The following AACS variants were observed in gnomAD, a reference collection of about 807,000 sequenced individuals.
AACS encodes acetoacetyl-CoA synthetase.
A neutral mutation model predicts 83.1 loss-of-function variants in AACS; 69 were observed. That is an observed-to-expected ratio of 0.83 (90% CI 0.68 to 1.01). AACS has a LOEUF of 1.01. Among genes scored for constraint, AACS ranks in the 50% least tolerant of loss-of-function variants. The probability of loss-of-function intolerance (pLI) is 0.00; values close to 1 mark genes in which losing one functional copy is unlikely to be tolerated. For synonymous variants in AACS, 333 were observed against 343.4 expected (o/e 0.97, Z 0.33); for missense variants, 866 against 882.2 (o/e 0.98, Z 0.23).
rs139706428 is a variant in AACS at position 125,068,407 on chromosome 12, C to A, written c.133+2690C>A. 1.2e-3 allele frequency among the ~76,000 whole-genome samples: 186 copies of A among 152,126 alleles called. 2 individuals carry two copies. In the East Asian group the frequency reaches 0.025, roughly 20 times the overall value. On this transcript the variant is annotated intron_variant, in intron 1 of 17. Transcript: ENST00000316519. ...CCAGGAGGTGGAGGTCGCAGTGAGC[C>A]GAGATCTCGCCACTGCACTGCAGCC...
intron 5 of AACS, among the ~76,000 whole-genome samples, chr12:125,098,050 T>A (rs957195183): frequency 1.1e-4 from 17 of 152,220 alleles, no homozygotes; most frequent in Non-Finnish European, 2.2e-4. Flanking sequence ...CTTTTTTAAC[T>A]TTCATCACCT....
Position 125,140,445 on chromosome 12 carries a change from G to GTAGCA in AACS, c.1882-1646_1882-1642dup, listed in dbSNP as rs1565959334. 2 of 152,248 alleles carry GTAGCA rather than the reference G, an allele frequency of 1.3e-5. No individual in the cohort carries two copies. Among genetic ancestry groups the GTAGCA allele is most frequent in the Non-Finnish European group, 2.9e-5 (2 of 68,052 alleles). 9.4% of individuals were successfully genotyped at this position (152,248 alleles called of 1,614,324 possible). On this transcript the variant is annotated intron_variant, in intron 17 of 17. Transcript: ENST00000316519. This position sits in a 1 kb window ranked among gnomAD's most constrained non-coding sequence, Gnocchi z 5.1. ...CTGCACGTGGACCCCTGTGTGAAGC[G>GTAGCA]TAGCAGGGCACAGAGCAGGCGAGAC...
chr12:125,124,643 G>T, intron 10 of AACS, 62 bp from the exon 11 acceptor site: 1 of 1,591,232 alleles, frequency 6.3e-7, no homozygotes. Context: ...ACTAACTTTA[G>T]AAAGCTTTGG....
At chr12:125,134,169 C>G in intron 15 of AACS, 97 bp downstream of exon 15, 1 of 1,314,414 alleles carries the variant, frequency 7.6e-7, no homozygotes, top group Non-Finnish European at 1.0e-6. Context: ...TCAGTGACCC[C>G]CTTCCTGGGC....
At chr12:125,074,835 T>C (rs946012501) in intron 2 of AACS, among the ~76,000 whole-genome samples, 9 of 151,700 alleles carry the variant, frequency 5.9e-5, no homozygotes, top group African/African-American at 7.3e-5. Context: ...GGCTAATTTT[T>C]GTATTTTTAG....
At chr12:125,134,666 C>A in intron 15 of AACS, 128 bp from the exon 16 acceptor site, 1 of 938,270 alleles carries the variant, frequency 1.1e-6, no homozygotes, top group Non-Finnish European at 1.7e-6. Context: ...AGCTGGGGAG[C>A]GGAGTGTCCG....
At chr12:125,109,744 C>T (rs1174575295) in intron 8 of AACS, among the ~76,000 whole-genome samples, 1 of 152,186 alleles carries the variant, frequency 6.6e-6, no homozygotes, top group African/African-American at 2.4e-5. Context: ...AGGTCTCCTG[C>T]ATGTCTGGAG....
chr12:125,102,336 C>A, intron 5 of AACS: 1 of 236,808 alleles, frequency 4.2e-6, no homozygotes, highest in South Asian at 5.7e-5. Context: ...AGGTGTGAGC[C>A]AGCGCGCCCG....
In AACS at chr12:125,083,566, G is replaced by A. The variant is rs1956255551; in HGVS notation, c.359-2764G>A. Among the ~76,000 whole-genome samples, 2 of 151,000 alleles carry A rather than the reference G, an allele frequency of 1.3e-5. 1 individual carries two copies. The highest frequency in any genetic ancestry group is 4.9e-5 in the African/African-American group (2 of 41,028). ...ATCGTTTTTTTTTTAATTTTTTTCTGTACTATCAAAGTTTTTGACAGTAAG... is the reference window on the plus strand; with the variant it reads ...ATCGTTTTTTTTTTAATTTTTTTCTATACTATCAAAGTTTTTGACAGTAAG... On this transcript the variant is annotated intron_variant, in intron 3 of 17. Coordinates refer to ENST00000316519, the MANE Select transcript of AACS (RefSeq NM_023928.5).
Position 125,097,291 on chromosome 12 carries a change from C to CG in AACS, c.571-5383dup, listed in dbSNP as rs1956628600. Among the ~76,000 whole-genome samples the CG allele has an allele frequency of 6.6e-6, 1 of 151,990 alleles. No individual in the cohort carries two copies. The highest frequency in any genetic ancestry group is 1.5e-5 in the Non-Finnish European group (1 of 67,982). On this transcript the variant is annotated intron_variant, in intron 5 of 17. Coordinates refer to ENST00000316519, the MANE Select transcript of AACS (RefSeq NM_023928.5). The surrounding 1 kb of genome is among the most constrained non-coding windows in gnomAD (Gnocchi z 4.3). Reference sequence around the variant, plus strand: ...AAGGACGTCACTGAGGAAGGGGTACCGGGGGTACCCTTGAAATGGAGGAGG... The same window carrying CG: ...AAGGACGTCACTGAGGAAGGGGTACCGGGGGGTACCCTTGAAATGGAGGAGG...
intron 12 of AACS, chr12:125,125,688 G>A (rs1957235855): frequency 6.6e-6 from 1 of 152,232 alleles, no homozygotes. Context: ...GTTTATATAA[G>A]TAAAAAATAG....
intron 1 of AACS, among the ~76,000 whole-genome samples, chr12:125,068,333 C>G (rs1955760627): frequency 6.6e-6 from 1 of 152,126 alleles, no homozygotes; most frequent in Admixed American, 6.6e-5. Flanking sequence ...GTGGCATGCG[C>G]CTGTAGTCCC....
At chr12:125,119,492 A>G (rs1484387300) in intron 10 of AACS, among the ~76,000 whole-genome samples, 1 of 152,240 alleles carries the variant, frequency 6.6e-6, no homozygotes, top group Admixed American at 6.5e-5. Flanking sequence ...AGAGTTTCAC[A>G]TGACTGGGGA....
At chr12:125,086,477 G>T (rs143505196) in intron 4 of AACS, 34 bp downstream of exon 4, 1 of 1,599,306 alleles carries the variant, frequency 6.3e-7, no homozygotes, top group Non-Finnish European at 8.6e-7. Context: ...TGGTTTGAGG[G>T]AGGAGACCAA....
chr12:125,134,094 T>C, intron 15 of AACS, 22 bp downstream of exon 15: 1 of 1,611,416 alleles, frequency 6.2e-7, no homozygotes. Context: ...AGAGTCGGCT[T>C]CTCTTTCCTG....
At chr12:125,079,109 G>A (rs1956102975) in intron 3 of AACS, among the ~76,000 whole-genome samples, 1 of 152,080 alleles carries the variant, frequency 6.6e-6, no homozygotes. Context: ...GCACCTCTGC[G>A]GAAGTCATGT....
At chr12:125,072,934 T>G (rs28699369) in intron 1 of AACS, among the ~76,000 whole-genome samples, 20,797 of 142,026 alleles carry the variant, frequency 0.15, 2,155 homozygotes, top group East Asian at 0.25. Flanking sequence ...TTTTTTTTTT[T>G]TTTTTTTTTT....
intron 2 of AACS, among the ~76,000 whole-genome samples, chr12:125,075,648 C>T (rs7953087): frequency 0.021 from 3,012 of 144,630 alleles, 98 homozygotes; most frequent in African/African-American, 0.073. Context: ...GGCTGGAGTG[C>T]AGTGGCGTGA....
chr12:125,098,046 T>A (rs1956648928), intron 5 of AACS, among the ~76,000 whole-genome samples: 1 of 152,230 alleles, frequency 6.6e-6, no homozygotes, highest in Non-Finnish European at 1.5e-5. Context: ...CTTTCTTTTT[T>A]AACTTTCATC....
Sources: gnomAD v4.1 joint callset for allele counts (sites outside exome capture counted in the v4.1 genomes callset) on GRCh38, gnomAD v4.1.1 for gene constraint, Gnocchi (gnomAD v3.1) non-coding constraint, MANE v1.5 for transcripts, NCBI Gene and HGNC (gene_info 2026-07-23, HGNC 2026-07-21) for gene names.